The following MID1 variants were observed in gnomAD, a reference collection of about 807,000 sequenced individuals.
MID1 encodes E3 ubiquitin-protein ligase Midline-1.
In MID1, 7 loss-of-function variants were observed where a neutral mutation model predicts 40.4. The ratio of observed to expected loss-of-function variants is 0.17; its 90% CI spans 0.10 to 0.33. The LOEUF (loss-of-function observed/expected upper bound fraction) is 0.33, where lower values mean the gene tolerates loss of function less well. MID1 is among the 10% of genes least tolerant of loss of function. The pLI, the probability that MID1 is intolerant of heterozygous loss-of-function variation, is 1.00. For synonymous variants in MID1, 229 were observed against 221.2 expected, an observed-to-expected ratio of 1.04 and a Z score of -0.31; for missense variants, 367 against 558.5, an observed-to-expected ratio of 0.66 and a Z score of 3.46.
chrX:10,640,142 C>T (rs1203071107), intron 1 of MID1, among the ~76,000 whole-genome samples: 1 of 111,797 alleles, frequency 8.9e-6, no homozygotes. Flanking sequence ...ATCATTATGA[C>T]AGGATCAAAT....
At chrX:10,804,846 C>T (rs1475479635) in intron 1 of MID1, among the ~76,000 whole-genome samples, 1 of 111,299 alleles carries the variant, frequency 9.0e-6, no homozygotes, top group Non-Finnish European at 1.9e-5. Context: ...GTTACTGATT[C>T]TTTCTTTTGT....
At chrX:10,518,403 G>A (rs1313264531) in intron 3 of MID1, among the ~76,000 whole-genome samples, 1 of 111,442 alleles carries the variant, frequency 9.0e-6, no homozygotes. Flanking sequence ...AATGTTTCAG[G>A]TTTATTGCCC....
chrX:10,446,845 T>C lies in MID1; in HGVS notation c.*2523A>G. 2 of 112,338 alleles carry C rather than the reference T, an allele frequency of 1.8e-5. No individual in the cohort carries two copies. The highest frequency in any genetic ancestry group is 9.1e-3 in the Middle Eastern group (2 of 220). The allele number at this position is 112,338 out of a possible 1,213,427, so 9.3% of individuals were successfully genotyped here. On this transcript the variant is annotated 3_prime_UTR_variant, in exon 10 of 10. Coordinates refer to ENST00000317552, the MANE Select transcript of MID1 (RefSeq NM_000381.4). ...TTGGTTGGTGCTGCATTGATTTTGT[T>C]GTATTAATTTAATTGGCACTGCCAT...
chrX:10,452,779 A>C (rs982411716), intron 9 of MID1, among the ~76,000 whole-genome samples: 2 of 111,493 alleles, frequency 1.8e-5, no homozygotes. Context: ...CTCATGAGTT[A>C]GTTTTGACAT....
chrX:10,624,376 T>C (rs1935974073), upstream of MID1, among the ~76,000 whole-genome samples: 1 of 112,119 alleles, frequency 8.9e-6, no homozygotes, highest in African/African-American at 3.2e-5. Flanking sequence ...TACCCTAAGC[T>C]TGTTGTTTCC....
intron 1 of MID1, among the ~76,000 whole-genome samples, chrX:10,604,995 A>T (rs1935598445): frequency 8.9e-6 from 1 of 112,241 alleles, no homozygotes. Context: ...CTGTCGGCTC[A>T]ATCTGCAGCT....
At position 10,509,495 on chromosome X, in the gene MID1, A is replaced by G. The variant is rs1195681492; in HGVS notation, c.756+13597T>C. Among the ~76,000 whole-genome samples the G allele has an allele frequency of 5.4e-5, 6 of 111,277 alleles. No individual in the cohort carries two copies. In the East Asian group the frequency reaches 1.7e-3, roughly 31 times the overall value. On this transcript the variant is annotated intron_variant, in intron 3 of 9. Transcript: ENST00000317552. ...GGTTTATAATAAGGGGGAAGGAAAG[A>G]CCCACCTCGATCGATCTCTATTCAG...
At chrX:10,600,025 T>A (rs767178045) in intron 1 of MID1, among the ~76,000 whole-genome samples, 47 of 112,262 alleles carry the variant, frequency 4.2e-4, no homozygotes, top group African/African-American at 1.5e-3. Flanking sequence ...GGGTTTTCTG[T>A]AAAGTTGAGT....
chrX:10,730,043 C>A (rs2043431539), intron 1 of MID1, among the ~76,000 whole-genome samples: 1 of 105,459 alleles, frequency 9.5e-6, no homozygotes, highest in East Asian at 3.0e-4. Flanking sequence ...GAGATAGTGC[C>A]ACTGCACTCC....
intron 6 of MID1, among the ~76,000 whole-genome samples, chrX:10,470,135 T>C (rs1929619518): frequency 8.9e-6 from 1 of 112,384 alleles, no homozygotes; most frequent in African/African-American, 3.2e-5. Flanking sequence ...GGAAAACTTG[T>C]CAAATAAAAA....
Position 10,471,628 on chromosome X carries a change from G to A in MID1, c.1142-1788C>T, listed in dbSNP as rs1361969257. Reference sequence around the variant, plus strand: ...GAATCAGTGACACCAATCAGGATATGCATTCCACGGAGGAGGTCCAGCTGC... The same window carrying A: ...GAATCAGTGACACCAATCAGGATATACATTCCACGGAGGAGGTCCAGCTGC... On this transcript the variant is annotated intron_variant, in intron 6 of 9. Coordinates refer to ENST00000317552, the MANE Select transcript of MID1 (RefSeq NM_000381.4). 4.5e-5 allele frequency among the ~76,000 whole-genome samples: 5 copies of A among 112,085 alleles called. No homozygotes were observed. In the Admixed American group the frequency reaches 4.7e-4, roughly 11 times the overall value.
intron 2 of MID1, among the ~76,000 whole-genome samples, chrX:10,566,497 T>TTCTCTCTCTCTCTCTCTCTCTCTCTC (rs1281393445): frequency 1.4e-5 from 1 of 72,082 alleles, no homozygotes; most frequent in Non-Finnish European, 2.6e-5. Context: ...TTATCTGTCA[T>TTCTCTCTCTCTCTCTCTCTCTCTCTC]TCTCTCTCTC....
At chrX:10,469,589 T>C (rs1929581839) in intron 7 of MID1, 108 bp downstream of exon 7, 2 of 1,208,264 alleles carry the variant, frequency 1.7e-6, no homozygotes, top group Admixed American at 4.4e-5. Context: ...TCAATAAATA[T>C]TGTGTGTTCT....
chrX:10,812,269 G>C (rs750730749), intron 1 of MID1, among the ~76,000 whole-genome samples: 2 of 111,171 alleles, frequency 1.8e-5, no homozygotes, highest in Non-Finnish European at 3.8e-5. Context: ...ACAAAACTTG[G>C]GTGGTCACAC....
At chrX:10,535,119 G>A (rs1307498181) in intron 2 of MID1, among the ~76,000 whole-genome samples, 4 of 111,800 alleles carry the variant, frequency 3.6e-5, no homozygotes, top group Non-Finnish European at 7.5e-5. Context: ...TCTACTAGGG[G>A]AGTAGTTCCC....
chrX:10,777,179 C>T (rs990859824), intron 1 of MID1, among the ~76,000 whole-genome samples: 2 of 111,686 alleles, frequency 1.8e-5, no homozygotes, highest in East Asian at 2.8e-4. Context: ...GGAGAAGTTA[C>T]GTACTTATTT....
chrX:10,556,784 G>A (rs1049746176), intron 2 of MID1, among the ~76,000 whole-genome samples: 4 of 112,172 alleles, frequency 3.6e-5, no homozygotes, highest in Non-Finnish European at 7.5e-5. Context: ...ATACCCAAAA[G>A]TCCAGAATAT....
rs749555797 is a variant in MID1 at position 10,749,855 on chromosome X, C to T, written c.-187+83699G>A. ...TGGTGCTAAACCATTCATGAGAAGT[C>T]CACCCTCATGATCCAGTTGCCTCCA... On this transcript the variant is annotated intron_variant, in intron 1 of 10. Coordinates refer to the MID1 transcript ENST00000380785. Among the ~76,000 whole-genome samples the T allele has an allele frequency of 2.5e-4, 28 of 111,526 alleles. 1 individual carries two copies. The highest frequency in any genetic ancestry group is 4.0e-4 in the Non-Finnish European group (21 of 53,077).
chrX:10,610,038 A>G (rs898655369), intron 1 of MID1, among the ~76,000 whole-genome samples: 44 of 112,254 alleles, frequency 3.9e-4, no homozygotes, highest in African/African-American at 1.1e-3. Flanking sequence ...TTTTCTAAAC[A>G]GAGGATATGA....
Sources: allele counts gnomAD v4.1 joint callset (sites outside exome capture counted in the v4.1 genomes callset), GRCh38; gene constraint gnomAD v4.1.1; transcripts MANE v1.5; gene names NCBI Gene and HGNC (gene_info 2026-07-23, HGNC 2026-07-21).